Variants in GTF2E2 observed in about 807,000 individuals in gnomAD.
GTF2E2 encodes the protein transcription initiation factor IIE subunit beta.
In GTF2E2, 21 loss-of-function variants were observed where a neutral mutation model predicts 40.5. The observed-to-expected ratio is 0.52, with a 90% CI of 0.37 to 0.75. GTF2E2 has a LOEUF of 0.75. GTF2E2 is among the 30% of genes least tolerant of loss of function. The pLI is 0.00. For synonymous variants in GTF2E2, 117 were observed against 121.6 expected, an observed-to-expected ratio of 0.96 and a Z score of 0.25; for missense variants, 298 against 338.4, an observed-to-expected ratio of 0.88 and a Z score of 0.94.
chr8:30,603,424 TACAG>T (rs983763044), intron 6 of GTF2E2, among the ~76,000 whole-genome samples: 1 of 151,558 alleles, frequency 6.6e-6, no homozygotes, highest in Non-Finnish European at 1.5e-5. Context: ...AACAAAAAAA[TACAG>T]ACAGAAAGTA....
chr8:30,581,173 A>G (rs1248708414), intron 6 of GTF2E2, among the ~76,000 whole-genome samples: 2 of 152,130 alleles, frequency 1.3e-5, no homozygotes, highest in Non-Finnish European at 2.9e-5. Flanking sequence ...TAAGACTTAC[A>G]CGCTCAGGAA....
intron 3 of GTF2E2, among the ~76,000 whole-genome samples, chr8:30,623,903 G>A (rs1338597552): frequency 6.6e-6 from 1 of 151,772 alleles, no homozygotes; most frequent in Non-Finnish European, 1.5e-5. Context: ...TGTAGATTCT[G>A]GATATCAGCC....
At position 30,601,973 on chromosome 8, in the gene GTF2E2, C is replaced by G. The variant is rs533335902; in HGVS notation, c.643+5084G>C. Among the ~76,000 whole-genome samples the G allele has an allele frequency of 7.9e-5, 12 of 152,162 alleles. No homozygotes were observed. The East Asian group carries it at 2.3e-3, about 29-fold the overall frequency. ...ATATACAACTGTTTCAATTCCATTC[C>G]ATTTACATTCTAGGGTAACTGCCTG... On this transcript the variant is annotated intron_variant, in intron 6 of 7. Coordinates refer to ENST00000355904, the MANE Select transcript of GTF2E2 (RefSeq NM_002095.6).
At chr8:30,617,176 T>C (rs1228609028) in intron 3 of GTF2E2, among the ~76,000 whole-genome samples, 1 of 152,164 alleles carries the variant, frequency 6.6e-6, no homozygotes, top group Non-Finnish European at 1.5e-5. Context: ...TGAACCTCAT[T>C]GGGCTTCAGT....
chr8:30,580,969 G>A (rs1005844970), intron 6 of GTF2E2, among the ~76,000 whole-genome samples: 43 of 152,256 alleles, frequency 2.8e-4, no homozygotes, highest in Admixed American at 1.3e-4. Context: ...GGAGAAAGGC[G>A]ACAGTCCTGC....
chr8:30,633,865 T>A (rs189744473), intron 3 of GTF2E2, among the ~76,000 whole-genome samples: 3 of 152,348 alleles, frequency 2.0e-5, no homozygotes, highest in Admixed American at 6.5e-5. Context: ...GGGAGTTATA[T>A]ACTAACATAT....
At chr8:30,615,108 A>G (rs1800877316) in intron 3 of GTF2E2, among the ~76,000 whole-genome samples, 1 of 151,960 alleles carries the variant, frequency 6.6e-6, no homozygotes, top group African/African-American at 2.4e-5. Context: ...GTGAAACCCC[A>G]TGTCTACTAA....
chr8:30,615,637 T>C (rs1800899092), intron 3 of GTF2E2, among the ~76,000 whole-genome samples: 1 of 152,076 alleles, frequency 6.6e-6, no homozygotes, highest in African/African-American at 2.4e-5. Flanking sequence ...ATCATGCCTA[T>C]CCAAAGAAAA....
intron 6 of GTF2E2, among the ~76,000 whole-genome samples, chr8:30,586,370 AAG>A (rs993746244): frequency 5.3e-5 from 8 of 152,268 alleles, no homozygotes; most frequent in South Asian, 4.2e-4. Flanking sequence ...GTTACCATAA[AAG>A]AGACTTTGGT....
In GTF2E2 at chr8:30,578,818, C is replaced by T; in HGVS notation, c.*103G>A. 1 of 728,124 alleles carries T rather than the reference C, an allele frequency of 1.4e-6. No individual in the cohort carries two copies. The allele number at this position is 728,124 out of a possible 1,614,324, so 45.1% of individuals were successfully genotyped here. ...TTGTAAACTGAACTGCTCCTCTCCT[C>T]AGCCGCAAGAAGCAGATAGGAAGAC... On this transcript the variant is annotated 3_prime_UTR_variant, in exon 8 of 8. Transcript: ENST00000355904.
At chr8:30,642,057 G>A (rs1450383405) in intron 2 of GTF2E2, among the ~76,000 whole-genome samples, 1 of 152,048 alleles carries the variant, frequency 6.6e-6, no homozygotes, top group Non-Finnish European at 1.5e-5. Flanking sequence ...TGAATTTTTT[G>A]GAATCCAGAA....
At chr8:30,603,959 C>G (rs1056803782) in intron 6 of GTF2E2, among the ~76,000 whole-genome samples, 4 of 152,004 alleles carry the variant, frequency 2.6e-5, no homozygotes, top group African/African-American at 9.7e-5. Context: ...TGTAGAAAAA[C>G]ACAGAATTAT....
At chr8:30,617,356 C>A (rs1800951987) in intron 3 of GTF2E2, among the ~76,000 whole-genome samples, 2 of 152,154 alleles carry the variant, frequency 1.3e-5, no homozygotes, top group African/African-American at 2.4e-5. Context: ...GCTGAGAGTA[C>A]TGCAATGAGA....
At chr8:30,617,928 G>A (rs1053258032) in intron 3 of GTF2E2, among the ~76,000 whole-genome samples, 1 of 152,126 alleles carries the variant, frequency 6.6e-6, no homozygotes, top group African/African-American at 2.4e-5. Flanking sequence ...ACACACCCCA[G>A]GGACACAAAA....
chr8:30,595,078 C>T (rs966822830), intron 6 of GTF2E2, among the ~76,000 whole-genome samples: 17 of 152,140 alleles, frequency 1.1e-4, no homozygotes, highest in African/African-American at 3.9e-4. Flanking sequence ...TCCATTTTAT[C>T]TCCACTATTG....
At chr8:30,607,194 T>C in intron 5 of GTF2E2, 44 bp from the exon 6 acceptor site, 3 of 716,664 alleles carry the variant, frequency 4.2e-6, no homozygotes, top group East Asian at 5.5e-5. Flanking sequence ...AACTCCAAAT[T>C]ACCTCACCAA....
intron 5 of GTF2E2, among the ~76,000 whole-genome samples, 195 bp from the exon 6 acceptor site, chr8:30,607,345 T>C (rs1829346360): frequency 6.6e-6 from 1 of 152,088 alleles, no homozygotes; most frequent in Admixed American, 6.5e-5. Context: ...CAGACTGGAG[T>C]GCAGCTCACT....
intron 2 of GTF2E2, among the ~76,000 whole-genome samples, chr8:30,652,123 G>C (rs913910931): frequency 3.9e-5 from 6 of 152,008 alleles, no homozygotes; most frequent in Admixed American, 3.3e-4. Flanking sequence ...AACTCTTAGA[G>C]GAAAACACAG....
chr8:30,590,914 C>G (rs1363679081), intron 6 of GTF2E2, among the ~76,000 whole-genome samples: 2 of 152,150 alleles, frequency 1.3e-5, no homozygotes, highest in Non-Finnish European at 2.9e-5. Context: ...TGGTCTCGAA[C>G]TCCTAACCTC....
Sources: gnomAD v4.1 joint callset for allele counts (sites outside exome capture counted in the v4.1 genomes callset) on GRCh38, gnomAD v4.1.1 for gene constraint, MANE v1.5 for transcripts, NCBI Gene and HGNC (gene_info 2026-07-23, HGNC 2026-07-21) for gene names.